Variants in NEDD9 observed in about 807,000 individuals in gnomAD.
NEDD9 encodes neural precursor cell expressed, developmentally down-regulated 9.
NEDD9 carries 26 observed loss-of-function variants against 76.6 expected under a neutral mutation model. The ratio of observed to expected loss-of-function variants is 0.34; its 90% CI spans 0.25 to 0.47. The LOEUF (loss-of-function observed/expected upper bound fraction) is 0.47, where lower values mean the gene tolerates loss of function less well. Among genes scored for constraint, NEDD9 ranks in the 20% least tolerant of loss-of-function variants. The pLI, the probability that NEDD9 is intolerant of heterozygous loss-of-function variation, is 1.00. For missense variants in NEDD9, 937 were observed against 1,058.5 expected, an observed-to-expected ratio of 0.89 and a Z score of 1.59; for synonymous variants, 392 against 414.2, an observed-to-expected ratio of 0.95 and a Z score of 0.65.
chr6:11,381,094 A>G (rs1387182104), intron 1 of NEDD9, among the ~76,000 whole-genome samples: 1 of 152,176 alleles, frequency 6.6e-6, no homozygotes, highest in Non-Finnish European at 1.5e-5. Context: ...TTTCTTTTCC[A>G]CCAACTCCAC....
At chr6:11,238,065 A>G (rs187260176) in intron 3 of NEDD9, among the ~76,000 whole-genome samples, 3 of 152,360 alleles carry the variant, frequency 2.0e-5, no homozygotes, top group Admixed American at 1.3e-4. Context: ...AAGACCAGCC[A>G]TTGAGAGTTT....
At chr6:11,317,028 G>T (rs540810309) in intron 2 of NEDD9, among the ~76,000 whole-genome samples, 1 of 152,330 alleles carries the variant, frequency 6.6e-6, no homozygotes, top group East Asian at 1.9e-4. Context: ...TATATCCCAA[G>T]TCTGAGATTC....
intron 2 of NEDD9, among the ~76,000 whole-genome samples, chr6:11,307,478 G>A (rs186564134): frequency 1.1e-4 from 16 of 152,220 alleles, no homozygotes; most frequent in Middle Eastern, 3.4e-3. Context: ...AAACAAAAGG[G>A]AGATTTACTG....
intron 1 of NEDD9, among the ~76,000 whole-genome samples, chr6:11,223,194 G>A (rs186661069): frequency 6.6e-6 from 1 of 152,338 alleles, no homozygotes; most frequent in African/African-American, 2.4e-5. Context: ...ATGGACACCA[G>A]ACTGAATTAG....
chr6:11,237,100 ACC>A, upstream of NEDD9, among the ~76,000 whole-genome samples: 1 of 151,220 alleles, frequency 6.6e-6, no homozygotes, highest in Non-Finnish European at 1.5e-5. This position sits in a 1 kb window ranked among gnomAD's most constrained non-coding sequence, Gnocchi z 4.9. Flanking sequence ...CTTGTCTACA[ACC>A]CCCACCCTGC....
chr6:11,347,493 C>T (rs1762385114), intron 1 of NEDD9, among the ~76,000 whole-genome samples: 1 of 152,040 alleles, frequency 6.6e-6, no homozygotes, highest in South Asian at 2.1e-4. Flanking sequence ...AACAAACAAA[C>T]AAAAATAACC....
intron 1 of NEDD9, among the ~76,000 whole-genome samples, chr6:11,357,480 G>C (rs1762598949): frequency 6.6e-6 from 1 of 152,194 alleles, no homozygotes. Flanking sequence ...TAGAAAGGAA[G>C]AGAAAGCCAC....
intron 1 of NEDD9, among the ~76,000 whole-genome samples, chr6:11,378,643 T>C (rs1763007414): frequency 2.0e-5 from 3 of 152,178 alleles, no homozygotes; most frequent in African/African-American, 7.2e-5. Context: ...TTTTGTAGTA[T>C]AAAATGTTAC....
At chr6:11,217,149 G>T (rs1194690342) in intron 1 of NEDD9, among the ~76,000 whole-genome samples, 2 of 152,360 alleles carry the variant, frequency 1.3e-5, no homozygotes, top group African/African-American at 4.8e-5. Context: ...TGGTGTTGGT[G>T]CAAGGTTTCA....
chr6:11,192,233 C>T lies in NEDD9; in HGVS notation c.663+112G>A, dbSNP rs1758162383. The T allele has an allele frequency of 4.7e-6, 3 of 638,324 alleles. No individual in the cohort carries two copies. In the South Asian group the frequency reaches 7.5e-5, roughly 16 times the overall value. The allele number at this position is 638,324 out of a possible 1,614,324, so 39.5% of individuals were successfully genotyped here. A position where few individuals can be genotyped will look rare whatever the true frequency, so the allele number is the denominator to read the frequency against. Reference sequence around the variant, plus strand: ...ACTACATTTTCCCCTTTTGGGTTTGCCTTTCTTGTTTTATTCGAGTGAACT... The same window carrying T: ...ACTACATTTTCCCCTTTTGGGTTTGTCTTTCTTGTTTTATTCGAGTGAACT... On this transcript the variant is annotated intron_variant, in intron 4 of 6. Coordinates refer to ENST00000379446, the MANE Select transcript of NEDD9 (RefSeq NM_006403.4).
chr6:11,302,230 A>C (rs1316630641), intron 3 of NEDD9, among the ~76,000 whole-genome samples: 3 of 152,224 alleles, frequency 2.0e-5, no homozygotes, highest in Non-Finnish European at 4.4e-5. Context: ...AGAGAATACT[A>C]TAAACACCTC....
intron 3 of NEDD9, among the ~76,000 whole-genome samples, chr6:11,292,026 T>C (rs1487244519): frequency 6.6e-6 from 1 of 152,202 alleles, no homozygotes; most frequent in Non-Finnish European, 1.5e-5. Context: ...GAGATAGTGA[T>C]TAGGTCTGGG....
At chr6:11,261,592 T>C (rs1760117571) in intron 3 of NEDD9, among the ~76,000 whole-genome samples, 2 of 152,202 alleles carry the variant, frequency 1.3e-5, no homozygotes, top group Admixed American at 1.3e-4. Flanking sequence ...CAAAGAACAA[T>C]AGAGTTGTGT....
At chr6:11,248,127 C>T (rs188548735) in intron 3 of NEDD9, among the ~76,000 whole-genome samples, 30 of 151,356 alleles carry the variant, frequency 2.0e-4, no homozygotes, top group African/African-American at 6.6e-4. Flanking sequence ...TTTCAGGGTG[C>T]CATTTTTCTA....
intron 1 of NEDD9, among the ~76,000 whole-genome samples, chr6:11,368,399 GAGTCACACCGA>G (rs1243274228): frequency 1.3e-5 from 2 of 152,122 alleles, no homozygotes; most frequent in Admixed American, 6.5e-5. Flanking sequence ...ATTCCTGAAT[GAGTCACACCGA>G]AGTAACTACC....
chr6:11,220,985 C>A (rs746793097), intron 1 of NEDD9, among the ~76,000 whole-genome samples: 3 of 152,206 alleles, frequency 2.0e-5, no homozygotes, highest in Admixed American at 6.5e-5. Context: ...TCACAGTCAA[C>A]TTCTATTATT....
At chr6:11,256,981 C>G (rs1402398617) in intron 3 of NEDD9, among the ~76,000 whole-genome samples, 4 of 152,204 alleles carry the variant, frequency 2.6e-5, no homozygotes, top group Admixed American at 6.5e-5. Context: ...TTTTCAACCT[C>G]CAATGCTCAT....
At chr6:11,235,311 G>A (rs188650335), upstream of NEDD9, among the ~76,000 whole-genome samples, 47 of 152,140 alleles carry the variant, frequency 3.1e-4, no homozygotes, top group African/African-American at 1.0e-3. This position sits in a 1 kb window ranked among gnomAD's most constrained non-coding sequence, Gnocchi z 4.1. Context: ...CTGTTGATAA[G>A]TGTGGTAGGC....
At chr6:11,317,619 G>A (rs1761613556) in intron 2 of NEDD9, among the ~76,000 whole-genome samples, 1 of 152,126 alleles carries the variant, frequency 6.6e-6, no homozygotes, top group Non-Finnish European at 1.5e-5. Context: ...ATGGGGACAG[G>A]CGCCAACTGC....
Sources: allele counts gnomAD v4.1 joint callset (sites outside exome capture counted in the v4.1 genomes callset), GRCh38; gene constraint gnomAD v4.1.1; non-coding constraint Gnocchi (gnomAD v3.1); transcripts MANE v1.5; gene names NCBI Gene and HGNC (gene_info 2026-07-23, HGNC 2026-07-21).